MAP2: variants seen among roughly 807,000 people sequenced by gnomAD.
MAP2 encodes the protein microtubule associated protein 2, also known as microtubule-associated protein 2.
In MAP2, 14 loss-of-function variants were observed where a neutral mutation model predicts 137.6. The ratio of observed to expected loss-of-function variants is 0.10; its 90% confidence interval spans 0.07 to 0.16. The LOEUF (loss-of-function observed/expected upper bound fraction) is 0.16, where lower values mean the gene tolerates loss of function less well. MAP2 is among the 10% of genes least tolerant of loss of function. The probability of loss-of-function intolerance (pLI) is 1.00; values close to 1 mark genes in which losing one functional copy is unlikely to be tolerated. For synonymous variants in MAP2, 786 were observed against 782.3 expected (o/e 1.00, Z -0.08); for missense variants, 2,088 against 2,191.5 (o/e 0.95, Z 0.94).
intron 1 of MAP2, among the ~76,000 whole-genome samples, chr2:209,481,242 G>A (rs183637258): frequency 6.6e-6 from 1 of 152,308 alleles, no homozygotes; most frequent in South Asian, 2.1e-4. Flanking sequence ...TTGCAACCCA[G>A]TGACAACATC....
At chr2:209,679,793 T>C (rs756803123) in intron 6 of MAP2, among the ~76,000 whole-genome samples, 2 of 152,132 alleles carry the variant, frequency 1.3e-5, no homozygotes, top group Non-Finnish European at 2.9e-5. Flanking sequence ...TTCACTTTTA[T>C]TCCTTGAAAG....
intron 2 of MAP2, among the ~76,000 whole-genome samples, chr2:209,548,322 T>A (rs1159206102): frequency 6.6e-6 from 1 of 152,206 alleles, no homozygotes; most frequent in Non-Finnish European, 1.5e-5. Flanking sequence ...ACAATTAGCT[T>A]ACATTCAGAG....
intron 2 of MAP2, among the ~76,000 whole-genome samples, chr2:209,540,506 C>A (rs1193833903): frequency 7.0e-6 from 1 of 143,582 alleles, no homozygotes; most frequent in Non-Finnish European, 1.5e-5. Flanking sequence ...TGGCACGCGT[C>A]TGTAATCCCA....
intron 3 of MAP2, among the ~76,000 whole-genome samples, chr2:209,619,837 A>G (rs997567360): frequency 2.0e-5 from 3 of 152,156 alleles, no homozygotes; most frequent in Non-Finnish European, 4.4e-5. Flanking sequence ...CTCACCAGAT[A>G]TCAGATATCC....
chr2:209,628,188 A>C (rs1051513249), intron 4 of MAP2, among the ~76,000 whole-genome samples: 3 of 152,152 alleles, frequency 2.0e-5, no homozygotes, highest in African/African-American at 7.2e-5. Flanking sequence ...AACATGGTGA[A>C]ACCCCCGTCT....
chr2:209,574,432 T>TACACACACACACACACACACACACAC (rs57166815), intron 2 of MAP2, among the ~76,000 whole-genome samples: 1 of 148,788 alleles, frequency 6.7e-6, no homozygotes, highest in African/African-American at 2.5e-5. Context: ...ATAGTATAGA[T>TACACACACACACACACACACACACAC]ACACACACAC....
chr2:209,525,772 T>G (rs2063941064), intron 2 of MAP2, among the ~76,000 whole-genome samples: 1 of 152,194 alleles, frequency 6.6e-6, no homozygotes, highest in South Asian at 2.1e-4. Context: ...GAATTTTGTA[T>G]AGTTCAAGAT....
At chr2:209,647,700 C>T (rs773392100) in intron 4 of MAP2, among the ~76,000 whole-genome samples, 3 of 152,040 alleles carry the variant, frequency 2.0e-5, no homozygotes, top group Non-Finnish European at 4.4e-5. Context: ...TGAAATTATT[C>T]AGAGTGCAGC....
intron 1 of MAP2, among the ~76,000 whole-genome samples, chr2:209,492,432 C>G (rs2059232253): frequency 6.6e-6 from 1 of 152,132 alleles, no homozygotes; most frequent in African/African-American, 2.4e-5. Flanking sequence ...ATTAGAAGTT[C>G]TGGCCAGAGC....
chr2:209,551,988 A>G (rs1177192373), intron 2 of MAP2, among the ~76,000 whole-genome samples: 1 of 152,190 alleles, frequency 6.6e-6, no homozygotes, highest in Non-Finnish European at 1.5e-5. Context: ...TACTTACCAT[A>G]CTGCTAGTAA....
intron 1 of MAP2, among the ~76,000 whole-genome samples, chr2:209,505,959 G>A (rs897633435): frequency 1.3e-5 from 2 of 151,964 alleles, no homozygotes; most frequent in African/African-American, 2.4e-5. Context: ...GTGACAGAGT[G>A]AGACCCTGTC....
intron 3 of MAP2, among the ~76,000 whole-genome samples, chr2:209,595,978 A>G (rs1279880226): frequency 1.3e-5 from 2 of 152,186 alleles, no homozygotes; most frequent in East Asian, 3.9e-4. Flanking sequence ...AGGGGGAGGG[A>G]TAGCATTAGG....
At chr2:209,571,868 T>C (rs1317964298) in intron 2 of MAP2, among the ~76,000 whole-genome samples, 1 of 151,986 alleles carries the variant, frequency 6.6e-6, no homozygotes, top group Admixed American at 6.6e-5. Flanking sequence ...GAATAACCTG[T>C]CTTTCTTTCT....
intron 2 of MAP2, among the ~76,000 whole-genome samples, chr2:209,532,290 A>G (rs1042838507): frequency 6.6e-6 from 1 of 151,898 alleles, no homozygotes; most frequent in Non-Finnish European, 1.5e-5. Context: ...AATGAAAATG[A>G]AAAGAGGACT....
At chr2:209,528,816 A>G (rs183505557) in intron 2 of MAP2, among the ~76,000 whole-genome samples, 121 of 151,270 alleles carry the variant, frequency 8.0e-4, no homozygotes, top group Middle Eastern at 3.5e-3. Context: ...ATGTATGTAT[A>G]TATGTATATG....
intron 2 of MAP2, chr2:209,579,256 G>GGTGTGTGT (rs1343675424): frequency 8.5e-6 from 1 of 117,116 alleles, no homozygotes; most frequent in Non-Finnish European, 1.8e-5. Context: ...CTATTTAAGC[G>GGTGTGTGT]GTGTGTGTGT....
At chr2:209,510,165 C>A (rs2061559353) in intron 2 of MAP2, among the ~76,000 whole-genome samples, 1 of 151,576 alleles carries the variant, frequency 6.6e-6, no homozygotes, top group Admixed American at 6.6e-5. Context: ...ACTTCTTTTT[C>A]TTTATTATTA....
At chr2:209,563,577 T>C (rs1294784239) in intron 2 of MAP2, among the ~76,000 whole-genome samples, 2 of 152,182 alleles carry the variant, frequency 1.3e-5, no homozygotes, top group Non-Finnish European at 2.9e-5. Context: ...CTCTAGCTCA[T>C]AGTGAAATCC....
At chr2:209,727,373 T>C (rs1044718319) in intron 14 of MAP2, among the ~76,000 whole-genome samples, 5 of 152,242 alleles carry the variant, frequency 3.3e-5, no homozygotes, top group Non-Finnish European at 1.5e-5. Context: ...AAGAAAATGC[T>C]GGACTCTTCA....
Sources: gnomAD v4.1 joint callset for allele counts (sites outside exome capture counted in the v4.1 genomes callset) on GRCh38, gnomAD v4.1.1 for gene constraint, MANE v1.5 for transcripts, NCBI Gene and HGNC (gene_info 2026-07-23, HGNC 2026-07-21) for gene names.